SGMS1: variants seen among roughly 807,000 people sequenced by gnomAD.
SGMS1 encodes phosphatidylcholine:ceramide cholinephosphotransferase 1.
SGMS1 carries 13 observed loss-of-function variants against 46.2 expected under a neutral mutation model. The ratio of observed to expected loss-of-function variants is 0.28; its 90% CI spans 0.18 to 0.45. The LOEUF is 0.45. Among genes scored for constraint, SGMS1 ranks in the 20% least tolerant of loss-of-function variants. SGMS1 has a pLI of 1.00. For missense variants in SGMS1, 324 were observed against 519.9 expected, an observed-to-expected ratio of 0.62 and a Z score of 3.66; for synonymous variants, 203 against 187.8, an observed-to-expected ratio of 1.08 and a Z score of -0.66.
chr10:50,456,192 T>A (rs114116017), intron 5 of SGMS1, among the ~76,000 whole-genome samples: 1,608 of 152,216 alleles, frequency 0.011, 33 homozygotes, highest in African/African-American at 0.037. Context: ...TAAGCAGTAG[T>A]CCTTTCTTTC....
At chr10:50,362,079 T>A (rs1338162855) in intron 6 of SGMS1, among the ~76,000 whole-genome samples, 2 of 152,204 alleles carry the variant, frequency 1.3e-5, no homozygotes, top group Non-Finnish European at 2.9e-5. Context: ...ACACACTTAA[T>A]AGATGTTTCC....
chr10:50,444,408 A>T (rs543161237), intron 5 of SGMS1, among the ~76,000 whole-genome samples: 3 of 152,238 alleles, frequency 2.0e-5, no homozygotes, highest in Non-Finnish European at 4.4e-5. Context: ...AGGACAGATG[A>T]ATAGAACAAT....
intron 2 of SGMS1, among the ~76,000 whole-genome samples, chr10:50,586,772 A>C (rs893727145): frequency 6.6e-6 from 1 of 152,220 alleles, no homozygotes; most frequent in South Asian, 2.1e-4. Context: ...TTCCTCCCTC[A>C]TATCACAGCA....
intron 6 of SGMS1, among the ~76,000 whole-genome samples, chr10:50,430,468 T>TATA (rs754269467): frequency 8.3e-5 from 2 of 24,152 alleles, no homozygotes; most frequent in Non-Finnish European, 1.9e-4. Flanking sequence ...TATGGCAGAA[T>TATA]ACAAAAAAAA....
chr10:50,436,198 G>A (rs529226781), intron 5 of SGMS1, among the ~76,000 whole-genome samples: 3 of 152,164 alleles, frequency 2.0e-5, no homozygotes, highest in East Asian at 1.9e-4. Flanking sequence ...TCCGCCTCCC[G>A]GGTTCACACC....
intron 3 of SGMS1, among the ~76,000 whole-genome samples, chr10:50,481,661 G>GGGCTGA (rs1281564570): frequency 6.6e-6 from 1 of 152,190 alleles, no homozygotes. Flanking sequence ...GCACAGAACT[G>GGGCTGA]GGCTGAGGCT....
At chr10:50,501,334 G>T (rs962864917) in intron 3 of SGMS1, among the ~76,000 whole-genome samples, 13 of 151,910 alleles carry the variant, frequency 8.6e-5, no homozygotes, top group African/African-American at 3.1e-4. Flanking sequence ...CGAATGAAAG[G>T]GGTTCACAAT....
chr10:50,371,484 C>T (rs1190067019), intron 6 of SGMS1, among the ~76,000 whole-genome samples: 2 of 152,200 alleles, frequency 1.3e-5, no homozygotes, highest in Non-Finnish European at 2.9e-5. Context: ...ATAAAACCCA[C>T]ACTTCATTAT....
In SGMS1 at chr10:50,422,865, C is replaced by T. The variant is rs376063747; in HGVS notation, c.-232+10611G>A. On this transcript the variant is annotated intron_variant, in intron 6 of 10. Coordinates refer to ENST00000361781, the MANE Select transcript of SGMS1 (RefSeq NM_147156.4). ...GCCTCTGTCAAAAGAGCCGTTACCA[C>T]CCGCACACACATTCATTCACTGGTA... Among the ~76,000 whole-genome samples, 32 of 152,320 alleles carry T rather than the reference C, an allele frequency of 2.1e-4. No individual in the cohort carries two copies. The South Asian group carries it at 6.0e-3, about 29-fold the overall frequency.
chr10:50,533,680 AAAT>A (rs1363948559), intron 2 of SGMS1, among the ~76,000 whole-genome samples: 1 of 152,094 alleles, frequency 6.6e-6, no homozygotes, highest in Admixed American at 6.5e-5. Flanking sequence ...TATGTTCAGG[AAAT>A]AATAAATAAT....
chr10:50,511,735 C>T (rs775505281), intron 3 of SGMS1, among the ~76,000 whole-genome samples: 18 of 152,162 alleles, frequency 1.2e-4, no homozygotes, highest in Non-Finnish European at 1.8e-4. Flanking sequence ...GAAATCTTAT[C>T]AGAAAGTGGG....
At chr10:50,381,409 A>T (rs373333807) in intron 6 of SGMS1, among the ~76,000 whole-genome samples, 6 of 152,250 alleles carry the variant, frequency 3.9e-5, no homozygotes, top group East Asian at 3.9e-4. Context: ...TGACTACAGC[A>T]TCTTTTGTCT....
At chr10:50,435,382 T>C (rs559525206) in intron 5 of SGMS1, among the ~76,000 whole-genome samples, 4 of 152,242 alleles carry the variant, frequency 2.6e-5, no homozygotes, top group Non-Finnish European at 5.9e-5. Context: ...GACTATTAAA[T>C]TCATGATTAC....
chr10:50,317,041 T>C (rs1359837105), intron 8 of SGMS1, among the ~76,000 whole-genome samples: 2 of 152,226 alleles, frequency 1.3e-5, no homozygotes, highest in Admixed American at 6.5e-5. Flanking sequence ...AGAAAATTCA[T>C]TTCATCCATG....
At chr10:50,398,676 C>T (rs183511456) in intron 6 of SGMS1, among the ~76,000 whole-genome samples, 140 of 152,228 alleles carry the variant, frequency 9.2e-4, no homozygotes, top group African/African-American at 2.9e-3. Context: ...ATAACAATTA[C>T]TATCAAGCCA....
chr10:50,465,889 A>G (rs1449360702), intron 4 of SGMS1, among the ~76,000 whole-genome samples: 3 of 152,158 alleles, frequency 2.0e-5, no homozygotes, highest in Non-Finnish European at 4.4e-5. Context: ...TGGAGGCAGA[A>G]TGACTTGAGA....
intron 5 of SGMS1, among the ~76,000 whole-genome samples, chr10:50,435,098 C>T (rs1849458607): frequency 1.3e-5 from 2 of 152,140 alleles, no homozygotes; most frequent in African/African-American, 4.8e-5. Flanking sequence ...ACATGAGGCT[C>T]TTTACATGAA....
intron 1 of SGMS1, among the ~76,000 whole-genome samples, chr10:50,616,204 C>A (rs887647185): frequency 6.6e-6 from 1 of 152,182 alleles, no homozygotes; most frequent in Non-Finnish European, 1.5e-5. Context: ...CAGGCTCAAC[C>A]TCCAGGCTCG....
intron 6 of SGMS1, among the ~76,000 whole-genome samples, chr10:50,368,422 T>C (rs1240926897): frequency 6.6e-6 from 1 of 152,204 alleles, no homozygotes; most frequent in Non-Finnish European, 1.5e-5. Context: ...AATGGTGCGA[T>C]CTTGGCTTAC....
Sources: allele counts gnomAD v4.1 joint callset (sites outside exome capture counted in the v4.1 genomes callset), GRCh38; gene constraint gnomAD v4.1.1; transcripts MANE v1.5; gene names NCBI Gene and HGNC (gene_info 2026-07-23, HGNC 2026-07-21).